CFC1: variants seen among roughly 807,000 people sequenced by gnomAD.
CFC1 encodes the protein cryptic, EGF-CFC family member 1.
For missense variants in CFC1, 14 were observed against 120.0 expected (o/e 0.12, Z 4.13); for synonymous variants, 8 against 50.7 (o/e 0.16, Z 3.58).
chr2:130,594,316 C>G lies in CFC1; in HGVS notation c.473-1240G>C, dbSNP rs544359993. ...CTAACGTCTAGGCTCAGACGAGGCT[C>G]CAGAGAAGCTGGTGCTAAGACAGGC... On this transcript the variant is annotated intron_variant, in intron 5 of 5. Coordinates refer to ENST00000259216, the MANE Select transcript of CFC1 (RefSeq NM_032545.4). Among the ~76,000 whole-genome samples the G allele has an allele frequency of 1.3e-4, 19 of 147,260 alleles. No individual in the cohort carries two copies. The South Asian group carries it at 3.7e-3, about 29-fold the overall frequency.
At chr2:130,593,433 C>T (rs1379604324) in intron 5 of CFC1, among the ~76,000 whole-genome samples, 2 of 152,246 alleles carry the variant, frequency 1.3e-5, no homozygotes, top group South Asian at 2.1e-4. Context: ...CGATTTAAAA[C>T]AGTGCTATAG....
chr2:130,595,129 CTTTTT>C (rs1684931142), intron 5 of CFC1, among the ~76,000 whole-genome samples: 1 of 146,554 alleles, frequency 6.8e-6, no homozygotes, highest in Non-Finnish European at 1.5e-5. Context: ...TCTTTCTTTT[CTTTTT>C]AAGAGACAGG....
At chr2:130,595,407 C>T (rs2105173365) in intron 5 of CFC1, among the ~76,000 whole-genome samples, 1 of 150,034 alleles carries the variant, frequency 6.7e-6, no homozygotes, top group East Asian at 1.9e-4. Flanking sequence ...CCACTGTACC[C>T]AGTCATATTG....
At chr2:130,595,661 C>G (rs1684945994) in intron 5 of CFC1, among the ~76,000 whole-genome samples, 2 of 149,092 alleles carry the variant, frequency 1.3e-5, no homozygotes, top group South Asian at 2.1e-4. Context: ...TGGCATGAAC[C>G]CTGGAGGTGG....
At chr2:130,595,694 C>T (rs1373382887) in intron 5 of CFC1, among the ~76,000 whole-genome samples, 5 of 150,542 alleles carry the variant, frequency 3.3e-5, no homozygotes, top group African/African-American at 5.0e-5. Context: ...GCCGAGACTG[C>T]GCCACTGCAC....
At chr2:130,595,899 GC>G (rs1413871855) in intron 5 of CFC1, among the ~76,000 whole-genome samples, 42 of 91,584 alleles carry the variant, frequency 4.6e-4, no homozygotes, top group Non-Finnish European at 7.6e-4. Flanking sequence ...TATATAAAGT[GC>G]CTGAAATACA....
intron 5 of CFC1, among the ~76,000 whole-genome samples, chr2:130,596,105 T>TA (rs1306192538): frequency 4.9e-5 from 3 of 61,444 alleles, no homozygotes; most frequent in Non-Finnish European, 9.1e-5. Flanking sequence ...ACAAAGGTGT[T>TA]ACTGCCCTCT....
rs1426240771 is a variant in CFC1, at chr2:130,595,701, G to C, written c.472+1793C>G. ...TGCAGTGAGCCGAGACTGCGCCACT[G>C]CACCCCAGCCCGGGCGACAGAGTGA... is the stretch of plus-strand genomic sequence containing the variant. On this transcript the variant is annotated intron_variant, in intron 5 of 5. Coordinates refer to ENST00000259216, the MANE Select transcript of CFC1 (RefSeq NM_032545.4). Among the ~76,000 whole-genome samples, 3 of 150,822 alleles carry C rather than the reference G, an allele frequency of 2.0e-5. 1 individual carries two copies. The South Asian group carries it at 6.2e-4, about 31-fold the overall frequency.
At chr2:130,596,018 A>G (rs1030723928) in intron 5 of CFC1, among the ~76,000 whole-genome samples, 2 of 88,096 alleles carry the variant, frequency 2.3e-5, no homozygotes, top group Non-Finnish European at 4.2e-5. Context: ...ACTTCAAGTC[A>G]TCATAACCAC....
chr2:130,595,596 G>A (rs1180908838), intron 5 of CFC1, among the ~76,000 whole-genome samples: 1 of 144,642 alleles, frequency 6.9e-6, no homozygotes, highest in Non-Finnish European at 1.5e-5. Flanking sequence ...AAGTTAGCTG[G>A]GCGTGGTGGC....
In CFC1 at chr2:130,598,671, G is replaced by T; in HGVS notation, c.218C>A (p.Pro73Gln). Residue 73 changes from proline (P) to glutamine (Q), a missense_variant, in exon 3 of 6, where the codon CCG becomes CAG. Coordinates refer to ENST00000259216, the MANE Select transcript of CFC1 (RefSeq NM_032545.4). Reference protein sequence around the residue: ...GSAEGWGPEEPLPYSRAFGEG... With the variant: ...GSAEGWGPEEQLPYSRAFGEG... ...TCCGAAAGCCCGGGAGTAGGGGAGC[G>T]GCTCCTCCGGCCCCCAGCCCTCGGC... is the stretch of plus-strand genomic sequence containing the variant. 2 of 1,613,966 alleles carry T rather than the reference G, an allele frequency of 1.2e-6. No homozygotes were observed. The highest frequency in any genetic ancestry group is 1.7e-6 in the Non-Finnish European group (2 of 1,179,888).
intron 5 of CFC1, among the ~76,000 whole-genome samples, chr2:130,595,693 G>A (rs1404417928): frequency 2.7e-5 from 4 of 150,454 alleles, no homozygotes; most frequent in Non-Finnish European, 4.4e-5. Flanking sequence ...AGCCGAGACT[G>A]CGCCACTGCA....
At chr2:130,595,716 C>T (rs1348692607) in intron 5 of CFC1, among the ~76,000 whole-genome samples, 38 of 150,960 alleles carry the variant, frequency 2.5e-4, no homozygotes, top group East Asian at 2.1e-3. Context: ...CCAGCCCGGG[C>T]GACAGAGTGA....
In CFC1 at chr2:130,592,332, A is replaced by T. The variant is rs1684831099; in HGVS notation, c.*545T>A. ...CAGGCTCATGAACTACAGTGGATTTAAAAAGCTGAAGAGCTCAATGCAAGT... is the reference window on the plus strand; with the variant it reads ...CAGGCTCATGAACTACAGTGGATTTTAAAAGCTGAAGAGCTCAATGCAAGT... On this transcript the variant is annotated 3_prime_UTR_variant, in exon 6 of 6. Transcript: ENST00000259216. The T allele has an allele frequency of 4.9e-6, 1 of 205,354 alleles. No individual in the cohort carries two copies. Among genetic ancestry groups the T allele is most frequent in the African/African-American group, 2.4e-5 (1 of 41,490 alleles). The allele number at this position is 205,354 out of a possible 1,614,324, so 12.7% of individuals were successfully genotyped here.
chr2:130,594,414 G>A, intron 5 of CFC1, among the ~76,000 whole-genome samples: 1 of 142,384 alleles, frequency 7.0e-6, no homozygotes, highest in Non-Finnish European at 1.5e-5. Flanking sequence ...CTTCCCCTGA[G>A]GGAAGGAAAC....
intron 5 of CFC1, among the ~76,000 whole-genome samples, chr2:130,594,491 CCAT>C (rs1684911581): frequency 5.8e-5 from 8 of 138,130 alleles, no homozygotes; most frequent in Admixed American, 5.6e-4. Context: ...CCTGTGAGAG[CCAT>C]TCCAATGGCA....
chr2:130,594,060 G>A (rs1254344029), intron 5 of CFC1, among the ~76,000 whole-genome samples: 2 of 149,294 alleles, frequency 1.3e-5, no homozygotes, highest in Non-Finnish European at 3.0e-5. Context: ...ATACCTCCAG[G>A]AGATGTCCTC....
At chr2:130,595,670 G>A (rs1435192966) in intron 5 of CFC1, among the ~76,000 whole-genome samples, 11 of 149,570 alleles carry the variant, frequency 7.4e-5, no homozygotes, top group Non-Finnish European at 1.3e-4. Flanking sequence ...CCCTGGAGGT[G>A]GAGCTTGCAG....
intron 5 of CFC1, among the ~76,000 whole-genome samples, chr2:130,594,119 T>G (rs1684899060): frequency 6.6e-6 from 1 of 151,672 alleles, no homozygotes; most frequent in Non-Finnish European, 1.5e-5. Flanking sequence ...TAACAAGGAA[T>G]GATGCAGATG....
Sources: gnomAD v4.1 joint callset for allele counts (sites outside exome capture counted in the v4.1 genomes callset) on GRCh38, gnomAD v4.1.1 for gene constraint, MANE v1.5 for transcripts, NCBI Gene and HGNC (gene_info 2026-07-23, HGNC 2026-07-21) for gene names.